Variants in CDH12 observed in about 807,000 individuals in gnomAD.
CDH12 encodes cadherin-12.
In CDH12, 41 loss-of-function variants were observed where a neutral mutation model predicts 74.1. The ratio of observed to expected loss-of-function variants is 0.55; its 90% CI spans 0.43 to 0.72. The LOEUF (loss-of-function observed/expected upper bound fraction) is 0.72. Ranked by LOEUF, CDH12 falls within the 30% of genes least tolerant of loss-of-function variation. The pLI is 0.00. For missense variants in CDH12, 945 were observed against 977.2 expected, an observed-to-expected ratio of 0.97 and a Z score of 0.44; for synonymous variants, 399 against 355.0, an observed-to-expected ratio of 1.12 and a Z score of -1.39.
At chr5:22,566,314 TG>T (rs1374111297) in intron 1 of CDH12, among the ~76,000 whole-genome samples, 1 of 151,650 alleles carries the variant, frequency 6.6e-6, no homozygotes, top group East Asian at 1.9e-4. Flanking sequence ...CTCCACTCAC[TG>T]CAACCTCCAC....
At chr5:22,199,633 C>T (rs541587743) in intron 4 of CDH12, among the ~76,000 whole-genome samples, 13 of 152,090 alleles carry the variant, frequency 8.5e-5, no homozygotes, top group Non-Finnish European at 1.9e-4. Context: ...GGCTTAGCAT[C>T]CCATAGAGAA....
intron 1 of CDH12, among the ~76,000 whole-genome samples, chr5:22,741,370 G>A (rs534723896): frequency 4.4e-4 from 67 of 152,156 alleles, no homozygotes; most frequent in Non-Finnish European, 8.1e-4. Flanking sequence ...AATGAAACAA[G>A]TATGCTATTT....
At chr5:22,299,393 T>C (rs79413070) in intron 3 of CDH12, among the ~76,000 whole-genome samples, 1 of 152,210 alleles carries the variant, frequency 6.6e-6, no homozygotes, top group African/African-American at 2.4e-5. Context: ...AAAGATCAAG[T>C]AGAAATGTTT....
chr5:22,223,543 G>A (rs1752089083), intron 3 of CDH12, among the ~76,000 whole-genome samples: 1 of 152,004 alleles, frequency 6.6e-6, no homozygotes, highest in Admixed American at 6.6e-5. Flanking sequence ...TTATGGTTAA[G>A]TTTTACATTA....
At chr5:22,510,572 G>A (rs1269101953) in intron 1 of CDH12, among the ~76,000 whole-genome samples, 2 of 152,104 alleles carry the variant, frequency 1.3e-5, no homozygotes, top group Admixed American at 6.6e-5. Flanking sequence ...GACCCTCCTA[G>A]GTATCAAGAG....
At chr5:22,746,335 G>A (rs2127026545) in intron 1 of CDH12, among the ~76,000 whole-genome samples, 1 of 152,108 alleles carries the variant, frequency 6.6e-6, no homozygotes, top group South Asian at 2.1e-4. Context: ...AAAAAAAGAA[G>A]GTCACCTTCT....
At chr5:22,850,718 CTCTT>C (rs1457604867) in intron 1 of CDH12, among the ~76,000 whole-genome samples, 2 of 152,096 alleles carry the variant, frequency 1.3e-5, no homozygotes, top group African/African-American at 4.8e-5. Context: ...TCTGTAATCA[CTCTT>C]TCCCTTTGGA....
intron 6 of CDH12, among the ~76,000 whole-genome samples, chr5:21,913,538 T>G (rs987913813): frequency 6.6e-6 from 1 of 152,136 alleles, no homozygotes; most frequent in Non-Finnish European, 1.5e-5. Context: ...TTGTGCAGAA[T>G]CAAAATCCTA....
At chr5:22,429,778 T>C (rs1744090097) in intron 2 of CDH12, among the ~76,000 whole-genome samples, 1 of 152,216 alleles carries the variant, frequency 6.6e-6, no homozygotes, top group Non-Finnish European at 1.5e-5. Context: ...CTTGACAACA[T>C]CTACACAAAG....
chr5:22,238,132 C>T (rs1384498503), intron 3 of CDH12, among the ~76,000 whole-genome samples: 1 of 152,156 alleles, frequency 6.6e-6, no homozygotes, highest in Non-Finnish European at 1.5e-5. Flanking sequence ...ACAGACCAAC[C>T]CTCCAGGCAG....
At chr5:22,747,119 T>C (rs2127027675) in intron 1 of CDH12, among the ~76,000 whole-genome samples, 1 of 152,302 alleles carries the variant, frequency 6.6e-6, no homozygotes, top group East Asian at 1.9e-4. Context: ...ATAAATTGAA[T>C]ATGGGTAAAA....
At chr5:21,826,957 A>G (rs1748707913) in intron 8 of CDH12, among the ~76,000 whole-genome samples, 1 of 152,136 alleles carries the variant, frequency 6.6e-6, no homozygotes, top group Non-Finnish European at 1.5e-5. Flanking sequence ...GGGTCTGTTC[A>G]TTGCTGTGGT....
intron 5 of CDH12, among the ~76,000 whole-genome samples, chr5:22,034,613 C>G (rs115919637): frequency 0.017 from 2,658 of 152,192 alleles, 76 homozygotes; most frequent in African/African-American, 0.06. Flanking sequence ...TAGTCTCACT[C>G]TTTTACAAAG....
intron 1 of CDH12, among the ~76,000 whole-genome samples, chr5:22,670,497 A>G (rs1415599170): frequency 2.6e-5 from 4 of 152,086 alleles, no homozygotes; most frequent in Admixed American, 2.6e-4. Flanking sequence ...TCACTTCTAT[A>G]TATTTCTATA....
intron 2 of CDH12, among the ~76,000 whole-genome samples, chr5:22,438,234 C>A (rs1346537285): frequency 6.6e-6 from 1 of 152,010 alleles, no homozygotes; most frequent in Non-Finnish European, 1.5e-5. Context: ...TTTCAGTCCT[C>A]CTATTACAAT....
At chr5:22,362,825 C>A (rs998547279) in intron 3 of CDH12, among the ~76,000 whole-genome samples, 2 of 149,934 alleles carry the variant, frequency 1.3e-5, no homozygotes, top group Non-Finnish European at 3.0e-5. Context: ...GCAAACTATC[C>A]CAAGGACAAA....
chr5:21,887,605 T>C (rs1752696992), intron 6 of CDH12, among the ~76,000 whole-genome samples: 1 of 152,168 alleles, frequency 6.6e-6, no homozygotes, highest in Non-Finnish European at 1.5e-5. Context: ...CATTTTGCAC[T>C]TACACTTCTT....
chr5:22,121,549 G>T (rs750973635), intron 4 of CDH12, among the ~76,000 whole-genome samples: 4 of 152,088 alleles, frequency 2.6e-5, no homozygotes, highest in Admixed American at 6.6e-5. Context: ...TTGTTAATTT[G>T]CAAGTAGGGT....
intron 1 of CDH12, among the ~76,000 whole-genome samples, chr5:22,819,005 T>C (rs1749533487): frequency 6.6e-6 from 1 of 152,106 alleles, no homozygotes; most frequent in South Asian, 2.1e-4. Flanking sequence ...TGTAGTATGG[T>C]AGTTCAGGAA....
Sources: allele counts gnomAD v4.1 joint callset (sites outside exome capture counted in the v4.1 genomes callset), GRCh38; gene constraint gnomAD v4.1.1; transcripts MANE v1.5; gene names NCBI Gene and HGNC (gene_info 2026-07-23, HGNC 2026-07-21).